BTBD1: variants seen among roughly 807,000 people sequenced by gnomAD.
BTBD1 encodes the protein BTB domain containing 1.
A neutral mutation model predicts 48.0 loss-of-function variants in BTBD1; 34 were observed. The observed-to-expected ratio is 0.71, with a 90% CI of 0.54 to 0.94. BTBD1 has a LOEUF of 0.94. Among genes scored for constraint, BTBD1 ranks in the 40% least tolerant of loss-of-function variants. The pLI is 0.00. For synonymous variants in BTBD1, 261 were observed against 242.1 expected, an observed-to-expected ratio of 1.08 and a Z score of -0.72; for missense variants, 543 against 625.6, an observed-to-expected ratio of 0.87 and a Z score of 1.41.
chr15:83,038,421 CATT>C (rs1335298174), intron 4 of BTBD1, among the ~76,000 whole-genome samples: 2 of 152,046 alleles, frequency 1.3e-5, no homozygotes, highest in Non-Finnish European at 2.9e-5. Flanking sequence ...AATGGAAAAA[CATT>C]ATATGCTCGT....
At chr15:83,041,406 C>T (rs892843995) in intron 4 of BTBD1, among the ~76,000 whole-genome samples, 5 of 150,464 alleles carry the variant, frequency 3.3e-5, no homozygotes, top group African/African-American at 9.8e-5. Context: ...CGTGGAATCT[C>T]GCTCTGTCGC....
intron 2 of BTBD1, 107 bp downstream of exon 2, chr15:83,056,282 T>A (rs1300499688): frequency 1.5e-6 from 1 of 683,278 alleles, no homozygotes; most frequent in Non-Finnish European, 2.3e-6. Context: ...TCATTTTATA[T>A]ACTTTAAAAT....
At chr15:83,047,093 T>C (rs2032892641) in intron 3 of BTBD1, among the ~76,000 whole-genome samples, 1 of 152,086 alleles carries the variant, frequency 6.6e-6, no homozygotes, top group Admixed American at 6.5e-5. Context: ...AGTGATAGAG[T>C]TGTACACGAG....
intron 4 of BTBD1, among the ~76,000 whole-genome samples, chr15:83,038,731 C>T (rs1393924799): frequency 1.3e-5 from 2 of 152,072 alleles, no homozygotes; most frequent in African/African-American, 2.4e-5. Context: ...GAAAAGAGAA[C>T]CCAGAAATAA....
chr15:83,025,588 T>C (rs1020969729), intron 5 of BTBD1, among the ~76,000 whole-genome samples: 10 of 152,198 alleles, frequency 6.6e-5, no homozygotes, highest in African/African-American at 2.4e-4. Flanking sequence ...CTGTTATGAA[T>C]GGGATTATTC....
intron 5 of BTBD1, among the ~76,000 whole-genome samples, chr15:83,021,705 G>A (rs1430963583): frequency 6.6e-6 from 1 of 150,566 alleles, no homozygotes; most frequent in Non-Finnish European, 1.5e-5. Context: ...AGGTGACCCG[G>A]CACTCCATCC....
In BTBD1 at chr15:83,018,703, T is replaced by A. The variant is rs754697311; in HGVS notation, c.1290+4A>T. ...CCATCTGGAACATAGTGCATGACTC[T>A]TACTTTGAGTGTTGCACATGCTGTG... On this transcript the variant is annotated splice_donor_region_variant and intron_variant, in intron 7 of 7. Coordinates refer to ENST00000261721, the MANE Select transcript of BTBD1 (RefSeq NM_025238.4). The A allele has an allele frequency of 6.2e-7, 1 of 1,613,524 alleles. No individual in the cohort carries two copies. The highest frequency in any genetic ancestry group is 1.7e-5 in the Admixed American group (1 of 59,892).
In BTBD1 at chr15:83,044,699, A is replaced by T. The variant is rs548298354; in HGVS notation, c.665-2774T>A. On this transcript the variant is annotated intron_variant, in intron 3 of 7. Transcript: ENST00000261721. The stretch of plus-strand genomic sequence containing the variant: ...AAAACACAATAACAAGAAAACTGAA[A>T]GATGGGAAATTAGTGGTGTACTGTG... 3 of 1,480,692 alleles carry T rather than the reference A, an allele frequency of 2.0e-6. No individual in the cohort carries two copies. In the East Asian group the frequency reaches 6.8e-5, roughly 34 times the overall value. The allele number at this position is 1,480,692 out of a possible 1,614,324, so 91.7% of individuals were successfully genotyped here. A position where few individuals can be genotyped will look rare whatever the true frequency, so the allele number is the denominator to read the frequency against.
At chr15:83,063,687 C>T (rs1045121660) in intron 1 of BTBD1, among the ~76,000 whole-genome samples, 1 of 152,142 alleles carries the variant, frequency 6.6e-6, no homozygotes, top group African/African-American at 2.4e-5. Flanking sequence ...AAAAAGTCTT[C>T]GCTCAGTCTC....
chr15:83,022,688 G>A, intron 5 of BTBD1: 1 of 150,620 alleles, frequency 6.6e-6, no homozygotes, highest in Non-Finnish European at 1.5e-5. Context: ...AATAGACCAG[G>A]CACAGTGGCT....
chr15:83,065,419 C>T (rs1455467303), intron 1 of BTBD1, among the ~76,000 whole-genome samples: 1 of 152,196 alleles, frequency 6.6e-6, no homozygotes, highest in Admixed American at 6.5e-5. Flanking sequence ...TCTAAGTTAT[C>T]TATCCTGTCC....
chr15:83,023,264 T>A (rs180759355), intron 5 of BTBD1, among the ~76,000 whole-genome samples: 518 of 152,344 alleles, frequency 3.4e-3, no homozygotes, highest in Non-Finnish European at 5.8e-3. Context: ...TGTTATTATA[T>A]AATAATGCCA....
At chr15:83,052,360 G>A (rs1280087952) in intron 2 of BTBD1, among the ~76,000 whole-genome samples, 1 of 152,114 alleles carries the variant, frequency 6.6e-6, no homozygotes, top group Non-Finnish European at 1.5e-5. Flanking sequence ...GATTTTTGGT[G>A]TGAGCCATCA....
chr15:83,022,082 A>G (rs1478627281), intron 5 of BTBD1, among the ~76,000 whole-genome samples: 3 of 152,002 alleles, frequency 2.0e-5, no homozygotes, highest in Non-Finnish European at 4.4e-5. Context: ...GTCTTGCTCT[A>G]TTGCCGAGGC....
At chr15:83,049,322 T>C (rs894326317) in intron 3 of BTBD1, among the ~76,000 whole-genome samples, 1 of 152,174 alleles carries the variant, frequency 6.6e-6, no homozygotes, top group Non-Finnish European at 1.5e-5. Context: ...ACCACGAAGA[T>C]ACAGGAGAAC....
chr15:83,062,164 G>C (rs2033186544), intron 1 of BTBD1, among the ~76,000 whole-genome samples: 1 of 124,348 alleles, frequency 8.0e-6, no homozygotes, highest in Non-Finnish European at 1.8e-5. Context: ...ACCTGCTAAA[G>C]TGTTTAAACA....
rs780695293 is a variant in BTBD1, at chr15:83,050,132, G to A, written c.605C>T (p.Thr202Ile). The A allele has an allele frequency of 1.9e-6, 3 of 1,612,902 alleles. No homozygotes were observed. The highest frequency in any genetic ancestry group is 2.5e-6 in the Non-Finnish European group (3 of 1,179,404). Residue 202 changes from threonine (T) to isoleucine (I), a missense_variant, in exon 3 of 8, where the codon ACA becomes ATA. Physicochemically the swap from Thr to Ile is moderately conservative, Grantham distance 89. Transcript: ENST00000261721. ...EPQLASLCLDTIDKSTMDAIS... is the reference protein window; with the variant it reads ...EPQLASLCLDIIDKSTMDAIS... ...TGCATCCATTGTGCTTTTGTCTATT[G>A]TATCTAGACAAAGACTAGCAAGCTG...
chr15:83,038,856 A>G (rs1253605307), intron 4 of BTBD1, among the ~76,000 whole-genome samples: 1 of 152,172 alleles, frequency 6.6e-6, no homozygotes, highest in Middle Eastern at 3.2e-3. Context: ...CTGGACCCCT[A>G]CCTTTCACCA....
At chr15:83,025,118 T>C (rs2032376700) in intron 5 of BTBD1, among the ~76,000 whole-genome samples, 1 of 152,058 alleles carries the variant, frequency 6.6e-6, no homozygotes, top group Non-Finnish European at 1.5e-5. Flanking sequence ...TTTGAGAGGC[T>C]GGAGGTGGGC....
Sources: allele counts gnomAD v4.1 joint callset (sites outside exome capture counted in the v4.1 genomes callset), GRCh38; gene constraint gnomAD v4.1.1; transcripts MANE v1.5; gene names NCBI Gene and HGNC (gene_info 2026-07-23, HGNC 2026-07-21).